The following WNT2B variants were observed in gnomAD, a reference collection of about 807,000 sequenced individuals.
WNT2B encodes Wnt family member 2B.
WNT2B carries 19 observed loss-of-function variants against 40.5 expected under a neutral mutation model. The observed-to-expected ratio is 0.47, with a 90% CI of 0.33 to 0.69. The LOEUF (loss-of-function observed/expected upper bound fraction) is 0.69. WNT2B is among the 30% of genes least tolerant of loss of function. The pLI, the probability that WNT2B is intolerant of heterozygous loss-of-function variation, is 0.02. For synonymous variants in WNT2B, 220 were observed against 211.9 expected (o/e 1.04, Z -0.33); for missense variants, 467 against 556.4 (o/e 0.84, Z 1.62).
chr1:112,516,278 G>A lies in WNT2B; in HGVS notation c.542G>A (p.Gly181Glu). The A allele has an allele frequency of 6.2e-7, 1 of 1,614,102 alleles. No individual in the cohort carries two copies. Among genetic ancestry groups the A allele is most frequent in the Non-Finnish European group, 8.5e-7 (1 of 1,180,034 alleles). The change falls in exon 3 of 5, where the codon GGG becomes GAG. Residue 181 changes from glycine to glutamate, a missense_variant. This residue lies in a region of WNT2B where 330 missense variants were observed against 438.6 expected (regional missense o/e 0.75). Transcript: ENST00000369684. ...CGTGGCCGACACCATGACCAGCGTG[G>A]GGACTTTGACTGGGGTGGCTGCAGT... ...YTRGRHHDQRGDFDWGGCSDN... is the reference protein window; with the variant it reads ...YTRGRHHDQREDFDWGGCSDN...
intron 1 of WNT2B, among the ~76,000 whole-genome samples, chr1:112,476,675 A>G (rs1031617356): frequency 6.6e-6 from 1 of 152,210 alleles, no homozygotes. Context: ...GGACCCCAGC[A>G]TCCTTTGCCA....
chr1:112,520,528 C>A lies in WNT2B; in HGVS notation c.*19C>A. On this transcript the variant is annotated 3_prime_UTR_variant, in exon 5 of 5. Transcript: ENST00000369684. ...AACCTGAACACACAGATACCTCACT[C>A]ATCCCTCCAATTCAAGCCTCTCAAC... 1 of 1,610,122 alleles carries A rather than the reference C, an allele frequency of 6.2e-7. No homozygotes were observed. The highest frequency in any genetic ancestry group is 8.5e-7 in the Non-Finnish European group (1 of 1,177,684).
chr1:112,520,037 T>C (rs1313939140), intron 4 of WNT2B, among the ~76,000 whole-genome samples: 1 of 151,356 alleles, frequency 6.6e-6, no homozygotes, highest in Non-Finnish European at 1.5e-5. Context: ...GGCACCTGGC[T>C]AATTTTTTAA....
At chr1:112,507,258 CT>C (rs1652136195), upstream of WNT2B, among the ~76,000 whole-genome samples, 1 of 152,150 alleles carries the variant, frequency 6.6e-6, no homozygotes, top group East Asian at 1.9e-4. Context: ...CTCTGTTTTA[CT>C]TCTGATGTTT....
In WNT2B at chr1:112,520,694, C is replaced by T; in HGVS notation, c.*185C>T. 1 of 642,516 alleles carries T rather than the reference C, an allele frequency of 1.6e-6. No individual in the cohort carries two copies. Among genetic ancestry groups the T allele is most frequent in the Non-Finnish European group, 2.7e-6 (1 of 374,264 alleles). The allele number at this position is 642,516 out of a possible 1,614,324, so 39.8% of individuals were successfully genotyped here. On this transcript the variant is annotated 3_prime_UTR_variant, in exon 5 of 5. Coordinates refer to ENST00000369684, the MANE Select transcript of WNT2B (RefSeq NM_024494.3). ...TTCCTTAGCCCTGGGAAGGAGTTGT[C>T]AGGGGATATAAGAAACTGAGCAAGC...
At chr1:112,508,920 C>T, upstream of WNT2B, 1 of 1,108,668 alleles carries the variant, frequency 9.0e-7, no homozygotes, top group Non-Finnish European at 1.1e-6. This position sits in a 1 kb window ranked among gnomAD's most constrained non-coding sequence, Gnocchi z 4.2. Flanking sequence ...GCCTCGGCCC[C>T]GCCCCGTCCC....
chr1:112,471,574 C>A (rs955687373), intron 1 of WNT2B, among the ~76,000 whole-genome samples: 7 of 152,130 alleles, frequency 4.6e-5, no homozygotes, highest in African/African-American at 1.4e-4. Context: ...TGAGAGATTT[C>A]TGTGGTTTGC....
intron 1 of WNT2B, among the ~76,000 whole-genome samples, chr1:112,487,875 A>C (rs1442110239): frequency 7.0e-6 from 1 of 143,274 alleles, no homozygotes; most frequent in East Asian, 2.1e-4. Context: ...CAGAGGTTGC[A>C]ATGAGCCGAG....
Position 112,524,833 on chromosome 1 carries a change from C to T in WNT2B, c.*4324C>T, listed in dbSNP as rs1653161150. On this transcript the variant is annotated 3_prime_UTR_variant, in exon 5 of 5. Transcript: ENST00000369684. ...GCTGCATAGGAGTTCTGCTCATCCT[C>T]CTCTCCCCAACAATTAAAAAAAAAA... The T allele has an allele frequency of 1.3e-5, 2 of 152,132 alleles. No homozygotes were observed. Among genetic ancestry groups the T allele is most frequent in the South Asian group, 2.1e-4 (1 of 4,820 alleles). The allele number at this position is 152,132 out of a possible 1,614,324, so 9.4% of individuals were successfully genotyped here.
At position 112,486,152 on chromosome 1, in the gene WNT2B, C is replaced by CACACACACACACACACACACAT. The variant is rs1364972062; in HGVS notation, c.-95+18567_-95+18568insACACACACACACACATACACAC. On this transcript the variant is annotated intron_variant, in intron 1 of 4. Coordinates refer to the WNT2B transcript ENST00000256640. ...TTTTTAACACACACACACACACACA[C>CACACACACACACACACACACAT]ACACACCAGGCTGGGTGCTGTGGCT... 3.2e-3 allele frequency among the ~76,000 whole-genome samples: 493 copies of CACACACACACACACACACACAT among 151,750 alleles called. 4 individuals are homozygous for CACACACACACACACACACACAT. Among genetic ancestry groups the CACACACACACACACACACACAT allele is most frequent in the African/African-American group, 0.011 (474 of 41,300 alleles).
At chr1:112,490,887 G>A in intron 1 of WNT2B, 5 of 948,776 alleles carry the variant, frequency 5.3e-6, no homozygotes, top group South Asian at 4.6e-5. Flanking sequence ...ACCTCTTCCG[G>A]AAAGATCCCC....
chr1:112,505,126 A>C (rs892761500), upstream of WNT2B, among the ~76,000 whole-genome samples: 3 of 152,156 alleles, frequency 2.0e-5, no homozygotes, highest in South Asian at 4.1e-4. Flanking sequence ...GGACAGGAGG[A>C]GGCTCTAGTG....
intron 4 of WNT2B, among the ~76,000 whole-genome samples, chr1:112,518,644 G>A (rs1369613074): frequency 6.6e-6 from 1 of 152,160 alleles, no homozygotes; most frequent in Admixed American, 6.5e-5. Context: ...CATAACATCT[G>A]AGGTGTAAAC....
Position 112,509,566 on chromosome 1 carries a change from A to G in WNT2B, c.182+122A>G. The G allele has an allele frequency of 9.1e-7, 1 of 1,093,882 alleles. No homozygotes were observed. The highest frequency in any genetic ancestry group is 3.0e-5 in the East Asian group (1 of 33,148). The allele number at this position is 1,093,882 out of a possible 1,614,324, so 67.8% of individuals were successfully genotyped here. On this transcript the variant is annotated intron_variant, in intron 1 of 4. Coordinates refer to ENST00000369684, the MANE Select transcript of WNT2B (RefSeq NM_024494.3). The surrounding 1 kb of genome is among the most constrained non-coding windows in gnomAD (Gnocchi z 4.2). Reference sequence around the variant, plus strand: ...TCGACGGGTTGGAGACGATTCGGGCAGGACTGTCACTGAAATCTGAAGTCG... The same window carrying G: ...TCGACGGGTTGGAGACGATTCGGGCGGGACTGTCACTGAAATCTGAAGTCG...
intron 1 of WNT2B, among the ~76,000 whole-genome samples, chr1:112,483,999 G>A (rs999858015): frequency 3.3e-5 from 5 of 150,106 alleles, no homozygotes; most frequent in Non-Finnish European, 5.9e-5. Flanking sequence ...GGTGGCTTGC[G>A]CTTATAATTT....
chr1:112,474,011 G>A (rs1650974321), intron 1 of WNT2B, among the ~76,000 whole-genome samples: 1 of 147,616 alleles, frequency 6.8e-6, no homozygotes, highest in Non-Finnish European at 1.5e-5. Flanking sequence ...CTTGCAGTGA[G>A]CCAAGATAGG....
chr1:112,480,169 C>A (rs1005451706), intron 1 of WNT2B, among the ~76,000 whole-genome samples: 1 of 151,946 alleles, frequency 6.6e-6, no homozygotes, highest in Non-Finnish European at 1.5e-5. Context: ...GAGTTCAAGA[C>A]CAGCCTTGCC....
chr1:112,512,603 A>G (rs1239147999), intron 1 of WNT2B, among the ~76,000 whole-genome samples: 1 of 152,186 alleles, frequency 6.6e-6, no homozygotes, highest in African/African-American at 2.4e-5. Context: ...GGAAGTGAAG[A>G]ACTTCCAGAA....
chr1:112,521,133 C>T lies in WNT2B; in HGVS notation c.*624C>T, dbSNP rs1045122836. On this transcript the variant is annotated 3_prime_UTR_variant, in exon 5 of 5. Coordinates refer to ENST00000369684, the MANE Select transcript of WNT2B (RefSeq NM_024494.3). ...AACAATACAAACACACATTCATTCT[C>T]TCTTTTTCTCTCTACCATTCTCAAC... The T allele has an allele frequency of 6.5e-6, 1 of 153,182 alleles. No individual in the cohort carries two copies. The highest frequency in any genetic ancestry group is 1.5e-5 in the Non-Finnish European group (1 of 68,768). 9.5% of individuals were successfully genotyped at this position (153,182 alleles called of 1,614,324 possible).
Sources: allele counts gnomAD v4.1 joint callset (sites outside exome capture counted in the v4.1 genomes callset), GRCh38; gene constraint gnomAD v4.1.1; regional missense constraint gnomAD v4.1.1; non-coding constraint Gnocchi (gnomAD v3.1); transcripts MANE v1.5; gene names NCBI Gene and HGNC (gene_info 2026-07-23, HGNC 2026-07-21).